The following HS3ST5 variants were observed in gnomAD, a reference collection of about 807,000 sequenced individuals.
HS3ST5 encodes heparan sulfate-glucosamine 3-sulfotransferase 5, also known as heparan sulfate glucosamine 3-O-sulfotransferase 5.
Under a neutral mutation model 25.4 loss-of-function variants are expected in HS3ST5, and 10 were observed. The observed-to-expected ratio is 0.39, with a 90% CI of 0.24 to 0.67. The LOEUF (loss-of-function observed/expected upper bound fraction) is 0.67, where lower values mean the gene tolerates loss of function less well. HS3ST5 is among the 30% of genes least tolerant of loss of function. The pLI is 0.44. For missense variants in HS3ST5, 324 were observed against 420.7 expected, an observed-to-expected ratio of 0.77 and a Z score of 2.01; for synonymous variants, 170 against 162.4, an observed-to-expected ratio of 1.05 and a Z score of -0.36.
chr6:114,218,122 T>C (rs928520291), intron 2 of HS3ST5, among the ~76,000 whole-genome samples: 2 of 152,044 alleles, frequency 1.3e-5, no homozygotes, highest in East Asian at 1.9e-4. Flanking sequence ...CTCAGCCTCC[T>C]GAGTAGCTGG....
chr6:114,180,124 A>G (rs1779903811), intron 2 of HS3ST5, among the ~76,000 whole-genome samples: 1 of 152,040 alleles, frequency 6.6e-6, no homozygotes, highest in African/African-American at 2.4e-5. Context: ...TCAAATATTA[A>G]TCTCCTCTGG....
chr6:114,235,054 C>T (rs112013055), intron 1 of HS3ST5, among the ~76,000 whole-genome samples: 5,559 of 152,066 alleles, frequency 0.037, 147 homozygotes, highest in African/African-American at 0.075. Context: ...ACCTGGGAGA[C>T]GGAGGTTGCA....
chr6:114,072,782 GA>G (rs1191960056), intron 3 of HS3ST5, among the ~76,000 whole-genome samples: 4 of 152,044 alleles, frequency 2.6e-5, no homozygotes, highest in Admixed American at 2.0e-4. Context: ...CACAGAATTG[GA>G]AAAAAACTAC....
At chr6:114,099,247 G>T (rs900394133) in intron 3 of HS3ST5, among the ~76,000 whole-genome samples, 4 of 152,122 alleles carry the variant, frequency 2.6e-5, no homozygotes, top group African/African-American at 9.7e-5. Context: ...AGAAGTACAA[G>T]TTAATTTTAA....
intron 2 of HS3ST5, among the ~76,000 whole-genome samples, chr6:114,177,178 C>T (rs1779759207): frequency 6.6e-6 from 1 of 152,138 alleles, no homozygotes; most frequent in South Asian, 2.1e-4. Context: ...AATAATCTTG[C>T]ATTTTTTTTA....
At chr6:114,146,745 T>A (rs1778185981) in intron 3 of HS3ST5, among the ~76,000 whole-genome samples, 1 of 152,138 alleles carries the variant, frequency 6.6e-6, no homozygotes, top group Non-Finnish European at 1.5e-5. Flanking sequence ...TGAGGTCTCA[T>A]GTGATTTGGT....
chr6:114,161,091 G>A (rs1778923441), intron 3 of HS3ST5, among the ~76,000 whole-genome samples: 1 of 152,064 alleles, frequency 6.6e-6, no homozygotes, highest in Non-Finnish European at 1.5e-5. Flanking sequence ...AGAACTAAAT[G>A]ACAGTGAATC....
intron 1 of HS3ST5, among the ~76,000 whole-genome samples, chr6:114,272,249 T>C (rs912010403): frequency 1.3e-5 from 2 of 152,120 alleles, no homozygotes; most frequent in African/African-American, 4.8e-5. Flanking sequence ...TTGTAAAGGT[T>C]CTGGAGTCTG....
At chr6:114,323,454 G>A (rs918438532) in intron 1 of HS3ST5, among the ~76,000 whole-genome samples, 3 of 152,098 alleles carry the variant, frequency 2.0e-5, no homozygotes, top group African/African-American at 4.8e-5. Context: ...GTAACCCTTA[G>A]TTGACAGTAT....
At chr6:114,109,419 C>T (rs996372868) in intron 3 of HS3ST5, among the ~76,000 whole-genome samples, 7 of 152,168 alleles carry the variant, frequency 4.6e-5, no homozygotes, top group African/African-American at 1.7e-4. Context: ...TGGGGAAGCT[C>T]ACCTCCATCT....
intron 3 of HS3ST5, among the ~76,000 whole-genome samples, chr6:114,162,546 A>G (rs2114986542): frequency 6.6e-6 from 1 of 152,250 alleles, no homozygotes; most frequent in East Asian, 1.9e-4. Flanking sequence ...GACTACTTTA[A>G]TGATGTCACT....
chr6:114,276,305 G>A (rs1460559869), intron 1 of HS3ST5, among the ~76,000 whole-genome samples: 1 of 151,910 alleles, frequency 6.6e-6, no homozygotes, highest in Non-Finnish European at 1.5e-5. Flanking sequence ...CGCTGTAAAA[G>A]ACATGCTAAT....
chr6:114,084,507 C>G, intron 3 of HS3ST5: 1 of 758,556 alleles, frequency 1.3e-6, no homozygotes, highest in Non-Finnish European at 2.4e-6. Flanking sequence ...CACGCATGCG[C>G]AGAACTTCCC....
At chr6:114,270,068 T>G (rs1773573190) in intron 1 of HS3ST5, among the ~76,000 whole-genome samples, 1 of 152,178 alleles carries the variant, frequency 6.6e-6, no homozygotes, top group African/African-American at 2.4e-5. Context: ...TCAGATTAGC[T>G]GCGGTGGCAC....
At chr6:114,269,314 T>C (rs1242780413) in intron 1 of HS3ST5, among the ~76,000 whole-genome samples, 2 of 151,720 alleles carry the variant, frequency 1.3e-5, no homozygotes, top group African/African-American at 2.4e-5. Context: ...GATTCAGTGC[T>C]CATCCTGTTT....
At chr6:114,146,067 A>G (rs1240380492) in intron 3 of HS3ST5, among the ~76,000 whole-genome samples, 4 of 152,212 alleles carry the variant, frequency 2.6e-5, no homozygotes, top group Non-Finnish European at 5.9e-5. Context: ...CTGATTTAGA[A>G]ATAAAATCAC....
chr6:114,244,109 A>G (rs1303247372), intron 1 of HS3ST5, among the ~76,000 whole-genome samples: 1 of 152,232 alleles, frequency 6.6e-6, no homozygotes, highest in Admixed American at 6.5e-5. Context: ...GAGCAGGGAT[A>G]GAGAAGGAAA....
At chr6:114,071,009 C>T (rs963676578) in intron 3 of HS3ST5, among the ~76,000 whole-genome samples, 3 of 152,188 alleles carry the variant, frequency 2.0e-5, no homozygotes, top group African/African-American at 7.2e-5. Context: ...AGGCTTAATA[C>T]CCTTTAATAG....
chr6:114,263,657 C>A (rs1773277248), intron 1 of HS3ST5, among the ~76,000 whole-genome samples: 1 of 152,116 alleles, frequency 6.6e-6, no homozygotes, highest in Non-Finnish European at 1.5e-5. Context: ...AGTGAAATAG[C>A]ATTAAGGGCA....
Sources: gnomAD v4.1 joint callset for allele counts (sites outside exome capture counted in the v4.1 genomes callset) on GRCh38, gnomAD v4.1.1 for gene constraint, MANE v1.5 for transcripts, NCBI Gene and HGNC (gene_info 2026-07-23, HGNC 2026-07-21) for gene names.